Variants in TJP2 observed in about 807,000 individuals in gnomAD.
TJP2 encodes the protein Friedreich ataxia region gene X104 (tight junction protein ZO-2).
A neutral mutation model predicts 133.1 loss-of-function variants in TJP2; 91 were observed. That is an observed-to-expected ratio of 0.68 (90% CI 0.58 to 0.81). TJP2 has a LOEUF of 0.81. Among genes scored for constraint, TJP2 ranks in the 40% least tolerant of loss-of-function variants. The pLI is 0.00. For missense variants in TJP2, 1,541 were observed against 1,565.6 expected, an observed-to-expected ratio of 0.98 and a Z score of 0.26; for synonymous variants, 592 against 583.4, an observed-to-expected ratio of 1.01 and a Z score of -0.21.
At chr9:69,165,121 C>T (rs1172268885) in intron 2 of TJP2, among the ~76,000 whole-genome samples, 2 of 151,904 alleles carry the variant, frequency 1.3e-5, no homozygotes. Context: ...TGAGCCACGG[C>T]GCCTGGCTGG....
chr9:69,149,503 G>A (rs929629099), intron 1 of TJP2, among the ~76,000 whole-genome samples: 14 of 152,148 alleles, frequency 9.2e-5, no homozygotes, highest in South Asian at 2.1e-4. Context: ...TGTGCCTCCC[G>A]CCTGTACAAA....
rs1198416658 is a variant in TJP2, at chr9:69,154,570, G to A, written c.-10+2799G>A. Reference sequence around the variant, plus strand: ...TTTGGGAGGCTGAGGCGGGAGGATCGCTTAAGCCCAGGAGTTCAAGAGCAC... The same window carrying A: ...TTTGGGAGGCTGAGGCGGGAGGATCACTTAAGCCCAGGAGTTCAAGAGCAC... On this transcript the variant is annotated intron_variant, in intron 2 of 5. Transcript: ENST00000423935. 2.7e-5 allele frequency among the ~76,000 whole-genome samples: 4 copies of A among 150,734 alleles called. No homozygotes were observed. In the South Asian group the frequency reaches 6.3e-4, roughly 24 times the overall value.
At chr9:69,216,305 AG>A in intron 2 of TJP2, 33 bp from the exon 3 acceptor site, 1 of 1,613,892 alleles carries the variant, frequency 6.2e-7, no homozygotes, top group Non-Finnish European at 8.5e-7. Context: ...CACTTATTGA[AG>A]GATTTTTAAT....
chr9:69,199,557 C>T (rs546737962), intron 1 of TJP2, among the ~76,000 whole-genome samples: 2 of 152,104 alleles, frequency 1.3e-5, no homozygotes, highest in South Asian at 2.1e-4. Flanking sequence ...CACGCATGCA[C>T]GTACGCACGC....
chr9:69,153,814 G>A (rs1823605581), intron 2 of TJP2, among the ~76,000 whole-genome samples: 2 of 152,268 alleles, frequency 1.3e-5, no homozygotes, highest in South Asian at 4.2e-4. Context: ...ACATCAATTT[G>A]ATTGCCTAAG....
chr9:69,221,325 TA>T lies in TJP2; in HGVS notation c.782del (p.Tyr261SerfsTer50), dbSNP rs771690686. 4.4e-6 allele frequency: 7 copies of T among 1,599,794 alleles called. No individual in the cohort carries two copies. The South Asian group carries it at 7.8e-5, about 18-fold the overall frequency. ...CTATCACCGGGCCTACGACCCAGAC[TA>T]CGAGCGGGCCTACAGCCCGGAGTAC... ...RAYHRAYDPD[Y>X]ERAYSPEYRR... On this transcript the variant is annotated frameshift_variant, in exon 5 of 23. Transcript: ENST00000377245. LOFTEE classifies it high-confidence loss of function.
intron 1 of TJP2, among the ~76,000 whole-genome samples, chr9:69,151,319 T>A (rs1327104817): frequency 6.6e-6 from 1 of 152,044 alleles, no homozygotes; most frequent in Non-Finnish European, 1.5e-5. Flanking sequence ...CCGTCTCTAC[T>A]AAAAATACAA....
chr9:69,129,524 A>C (rs34387029), intron 1 of TJP2, among the ~76,000 whole-genome samples: 3,698 of 152,274 alleles, frequency 0.024, 153 homozygotes, highest in African/African-American at 0.084. Context: ...AACAAAAAAA[A>C]ACCCCGTCAA....
intron 2 of TJP2, among the ~76,000 whole-genome samples, chr9:69,159,028 G>A (rs1438036831): frequency 6.6e-6 from 1 of 152,002 alleles, no homozygotes; most frequent in African/African-American, 2.4e-5. Context: ...AAATATGCCG[G>A]GCACGGTGGT....
Position 69,228,108 on chromosome 9 carries a change from C to T in TJP2, c.1447C>T (p.Pro483Ser), listed in dbSNP as rs779689337. 12 of 1,604,854 alleles carry T rather than the reference C, an allele frequency of 7.5e-6. No individual in the cohort carries two copies. In the South Asian group the frequency reaches 1.1e-4, roughly 15 times the overall value. Residue 483 changes from proline to serine, a missense_variant, in exon 9 of 23, where the codon CCC (proline) becomes TCC (serine). By Grantham distance (74) the Pro-to-Ser change is moderately conservative (BLOSUM62 -1). Coordinates refer to ENST00000377245, the MANE Select transcript of TJP2 (RefSeq NM_004817.4). The stretch of plus-strand genomic sequence containing the variant: ...CAAGGAACCCAGATACCAAGAGGAC[C>T]CCCCAGGTGAGCCATTAAGACCACT... ...TNKEPRYQED[P>S]PAPQPKAAPR...
Position 69,127,530 on chromosome 9 carries a change from T to G in TJP2, c.-131+5805T>G, listed in dbSNP as rs112450463. On this transcript the variant is annotated intron_variant, in intron 1 of 5. Transcript: ENST00000423935. The stretch of plus-strand genomic sequence containing the variant: ...GATCATGCCACTGGGCTCTAGCCTG[T>G]GCGACACAGTAAGATCTTGTCTCAA... Among the ~76,000 whole-genome samples the G allele has an allele frequency of 3.2e-3, 231 of 72,608 alleles. 81 individuals carry two copies. The highest frequency in any genetic ancestry group is 9.4e-3 in the African/African-American group (222 of 23,504). 47.6% of individuals were successfully genotyped at this position (72,608 alleles called of 152,430 possible). A position where few individuals can be genotyped will look rare whatever the true frequency, so the allele number is the denominator to read the frequency against.
chr9:69,235,979 T>A (rs768708544), intron 12 of TJP2, 49 bp from the exon 13 acceptor site: 1 of 1,554,674 alleles, frequency 6.4e-7, no homozygotes. Flanking sequence ...TGTCTAGTAC[T>A]GTAACTTGTA....
Position 69,174,289 on chromosome 9 carries a change from G to T in TJP2, c.-84G>T. On this transcript the variant is annotated 5_prime_UTR_variant, in exon 1 of 23. Coordinates refer to ENST00000377245, the MANE Select transcript of TJP2 (RefSeq NM_004817.4). The stretch of plus-strand genomic sequence containing the variant: ...TGGGCTGCGGGTCAGAGCACTGTCC[G>T]GTGGTGCCCAGGAGGAGTAGGAGCA... 21 of 1,549,186 alleles carry T rather than the reference G, an allele frequency of 1.4e-5. No individual in the cohort carries two copies. Among genetic ancestry groups the T allele is most frequent in the Non-Finnish European group, 1.8e-5 (21 of 1,146,248 alleles).
In TJP2 at chr9:69,251,253, G is replaced by A; in HGVS notation, c.3210G>A (p.Glu1070=). Residue 1070 remains glutamate (E), a synonymous_variant, in exon 21 of 23, where the codon GAG becomes GAA. Transcript: ENST00000377245. ...EGEEVGESSE[E]QDNAPKSVLG... ...AGGAGGTGGGAGAGAGCAGTGAGGA[G>A]CAAGATAATGCTCCCAAATCAGTCC... 6.2e-7 allele frequency: 1 copy of A among 1,614,146 alleles called. No individual in the cohort carries two copies. Among genetic ancestry groups the A allele is most frequent in the Middle Eastern group, 1.6e-4 (1 of 6,062 alleles).
chr9:69,243,061 C>T (rs11790635), intron 17 of TJP2, among the ~76,000 whole-genome samples: 2 of 151,912 alleles, frequency 1.3e-5, no homozygotes, highest in Non-Finnish European at 2.9e-5. Flanking sequence ...ACAGGGTTTA[C>T]CCATGTTGCC....
intron 2 of TJP2, among the ~76,000 whole-genome samples, chr9:69,156,646 C>G (rs912225468): frequency 1.3e-5 from 2 of 151,044 alleles, no homozygotes; most frequent in African/African-American, 4.9e-5. Flanking sequence ...ATTCTCCTGC[C>G]TCAGCCTCCC....
Position 69,232,655 on chromosome 9 carries a change from A to G in TJP2, c.1672-1784A>G, listed in dbSNP as rs192418043. ...TGTGGAATGAAGACGTGAGCCAGAT[A>G]TGTATATTCCTTATCAATAATGGAG... On this transcript the variant is annotated intron_variant, in intron 11 of 22. Transcript: ENST00000377245. 2.6e-5 allele frequency among the ~76,000 whole-genome samples: 4 copies of G among 152,342 alleles called. No homozygotes were observed. In the East Asian group the frequency reaches 7.7e-4, roughly 29 times the overall value.
chr9:69,128,523 CAT>C (rs768810597), intron 1 of TJP2, among the ~76,000 whole-genome samples: 74 of 101,234 alleles, frequency 7.3e-4, no homozygotes, highest in Middle Eastern at 6.0e-3. Flanking sequence ...CTTATTAGAC[CAT>C]TTTTTTTTTT....
intron 17 of TJP2, among the ~76,000 whole-genome samples, chr9:69,244,649 A>G (rs1206916049): frequency 6.6e-6 from 1 of 152,244 alleles, no homozygotes. Flanking sequence ...GAATGAGAGA[A>G]TCCAATAATA....
Sources: allele counts gnomAD v4.1 joint callset (sites outside exome capture counted in the v4.1 genomes callset), GRCh38; gene constraint gnomAD v4.1.1; transcripts MANE v1.5; gene names NCBI Gene and HGNC (gene_info 2026-07-23, HGNC 2026-07-21).